Variants in XKR6 observed in about 807,000 individuals in gnomAD.
XKR6 encodes the protein XK related 6.
Under a neutral mutation model 56.7 loss-of-function variants are expected in XKR6, and 22 were observed. The observed-to-expected ratio is 0.39, with a 90% CI of 0.28 to 0.55. XKR6 has a LOEUF of 0.55. Among genes scored for constraint, XKR6 ranks in the 20% least tolerant of loss-of-function variants. The pLI is 0.66. For synonymous variants in XKR6, 524 were observed against 387.8 expected (o/e 1.35, Z -4.13); for missense variants, 852 against 889.0 (o/e 0.96, Z 0.53).
intron 1 of XKR6, among the ~76,000 whole-genome samples, chr8:11,147,730 G>A (rs1025344859): frequency 6.6e-6 from 1 of 151,690 alleles, no homozygotes; most frequent in Non-Finnish European, 1.5e-5. Flanking sequence ...CCATTAGGGA[G>A]AAGCAAATTA....
intron 1 of XKR6, among the ~76,000 whole-genome samples, chr8:11,080,159 C>G (rs116959692): frequency 6.6e-6 from 1 of 151,808 alleles, no homozygotes; most frequent in African/African-American, 2.4e-5. Context: ...AAAAACACAC[C>G]CACTTGAATT....
chr8:11,109,698 G>A (rs1472191005), intron 1 of XKR6: 1 of 152,156 alleles, frequency 6.6e-6, no homozygotes, highest in East Asian at 1.9e-4. Context: ...TGTGCTCAGA[G>A]TTTTCAGCAT....
rs1363190835 is a variant in XKR6, at chr8:11,201,109, G to T, written c.231C>A (p.Leu77=). Residue 77 remains leucine, a synonymous_variant, in exon 1 of 3, where the codon CTC becomes CTA. Transcript: ENST00000416569. ...WGCRSACLRS[L]LGRKPRRSAA... ...CGCTGCGGCGCGGCTTCCTGCCCAG[G>T]AGGGAGCGCAGGCAGGCGGAGCGGC... 3 of 1,505,904 alleles carry T rather than the reference G, an allele frequency of 2.0e-6. No individual in the cohort carries two copies. The highest frequency in any genetic ancestry group is 2.4e-5 in the South Asian group (2 of 82,152). The allele number at this position is 1,505,904 out of a possible 1,614,324, so 93.3% of individuals were successfully genotyped here. A position where few individuals can be genotyped will look rare whatever the true frequency, so the allele number is the denominator to read the frequency against.
intron 1 of XKR6, among the ~76,000 whole-genome samples, chr8:11,094,486 G>A (rs916452057): frequency 1.3e-5 from 2 of 152,082 alleles, no homozygotes; most frequent in Non-Finnish European, 2.9e-5. Context: ...CACTACACCC[G>A]GCCATTATCT....
intron 2 of XKR6, among the ~76,000 whole-genome samples, chr8:10,909,376 T>C (rs551723749): frequency 6.6e-6 from 1 of 152,310 alleles, no homozygotes; most frequent in African/African-American, 2.4e-5. Flanking sequence ...TGGACTAAGA[T>C]ACCCCTCAAG....
Position 11,200,087 on chromosome 8 carries a change from C to A in XKR6, c.764+489G>T, listed in dbSNP as rs79414692. 0.01 allele frequency among the ~76,000 whole-genome samples: 1,583 copies of A among 152,250 alleles called. 23 individuals are homozygous for A. The highest frequency in any genetic ancestry group is 0.036 in the African/African-American group (1,502 of 41,536). ...GGAATCCAGGAGTGCTCGGAGGCGG[C>A]AGCAAGGGTTTTTCCACAGGGCCCC... On this transcript the variant is annotated intron_variant, in intron 1 of 2. Coordinates refer to ENST00000416569, the MANE Select transcript of XKR6 (RefSeq NM_173683.4). The surrounding 1 kb of genome is among the most constrained non-coding windows in gnomAD (Gnocchi z 6.4).
At chr8:11,184,434 A>T (rs1228826872) in intron 1 of XKR6, among the ~76,000 whole-genome samples, 2 of 151,760 alleles carry the variant, frequency 1.3e-5, no homozygotes, top group African/African-American at 2.4e-5. Flanking sequence ...TATTACATTT[A>T]TTAGTAACCT....
At chr8:11,103,968 A>T (rs1486820324) in intron 1 of XKR6, among the ~76,000 whole-genome samples, 1 of 152,172 alleles carries the variant, frequency 6.6e-6, no homozygotes, top group African/African-American at 2.4e-5. Flanking sequence ...CCTTGGGAGG[A>T]GATGCGGAGT....
intron 1 of XKR6, among the ~76,000 whole-genome samples, chr8:10,970,201 A>G (rs1207669389): frequency 2.0e-5 from 3 of 152,134 alleles, no homozygotes; most frequent in African/African-American, 7.2e-5. Context: ...GAGGCGAGGG[A>G]AGACAGACCC....
chr8:11,002,749 G>A (rs866636862), intron 1 of XKR6, among the ~76,000 whole-genome samples: 6 of 152,312 alleles, frequency 3.9e-5, no homozygotes, highest in Middle Eastern at 3.4e-3. Context: ...TCATAGACAA[G>A]GTGCGGGCTC....
At chr8:11,177,304 C>T (rs1282552624) in intron 1 of XKR6, among the ~76,000 whole-genome samples, 1 of 152,154 alleles carries the variant, frequency 6.6e-6, no homozygotes, top group Non-Finnish European at 1.5e-5. Flanking sequence ...TTCATAAACA[C>T]AAAATGTCCT....
intron 1 of XKR6, chr8:11,106,758 G>T (rs113894989): frequency 0.052 from 7,787 of 149,148 alleles, 672 homozygotes; most frequent in African/African-American, 0.18. Context: ...GCTGAGGCAG[G>T]AGAATCACTT....
chr8:10,990,728 C>G (rs1797971052), intron 1 of XKR6, among the ~76,000 whole-genome samples: 1 of 151,886 alleles, frequency 6.6e-6, no homozygotes, highest in African/African-American at 2.4e-5. Context: ...CACAGGCATG[C>G]ACCACCATGC....
chr8:11,115,032 T>C (rs1295651351), intron 1 of XKR6, among the ~76,000 whole-genome samples: 1 of 152,150 alleles, frequency 6.6e-6, no homozygotes, highest in African/African-American at 2.4e-5. Flanking sequence ...TCGTCAGCCA[T>C]CTATTTCCTA....
chr8:11,157,742 C>T (rs1367214226), intron 1 of XKR6, among the ~76,000 whole-genome samples: 5 of 152,102 alleles, frequency 3.3e-5, no homozygotes, highest in Admixed American at 1.3e-4. Flanking sequence ...CTCAATCTCC[C>T]GGTCTCAAGC....
intron 1 of XKR6, among the ~76,000 whole-genome samples, chr8:11,177,810 C>G (rs1331797258): frequency 6.6e-6 from 1 of 152,212 alleles, no homozygotes; most frequent in Non-Finnish European, 1.5e-5. Flanking sequence ...CTGCAGACTT[C>G]TAGCCTCAGG....
At chr8:10,942,238 C>G (rs903602491) in intron 1 of XKR6, among the ~76,000 whole-genome samples, 5 of 152,222 alleles carry the variant, frequency 3.3e-5, no homozygotes, top group Admixed American at 6.5e-5. Context: ...GTACTCAACA[C>G]AAAGTACATC....
chr8:11,035,695 G>A (rs1427886762), intron 1 of XKR6, among the ~76,000 whole-genome samples: 2 of 152,154 alleles, frequency 1.3e-5, no homozygotes, highest in Non-Finnish European at 2.9e-5. Context: ...TACAGACAGT[G>A]GTGTGTCATT....
At chr8:11,065,413 T>C (rs926182444) in intron 1 of XKR6, among the ~76,000 whole-genome samples, 1 of 152,234 alleles carries the variant, frequency 6.6e-6, no homozygotes, top group Non-Finnish European at 1.5e-5. Context: ...CTTCGTCATA[T>C]GACCCAGCTC....
Sources: allele counts gnomAD v4.1 joint callset (sites outside exome capture counted in the v4.1 genomes callset), GRCh38; gene constraint gnomAD v4.1.1; non-coding constraint Gnocchi (gnomAD v3.1); transcripts MANE v1.5; gene names NCBI Gene and HGNC (gene_info 2026-07-23, HGNC 2026-07-21).